Variants in NTM observed in about 807,000 individuals in gnomAD.
NTM encodes IgLON family member 2.
NTM carries 13 observed loss-of-function variants against 42.1 expected under a neutral mutation model. The ratio of observed to expected loss-of-function variants is 0.31; its 90% CI spans 0.20 to 0.49. The LOEUF is 0.49. Among genes scored for constraint, NTM ranks in the 20% least tolerant of loss-of-function variants. The probability of loss-of-function intolerance (pLI) is 0.99; values close to 1 mark genes in which losing one functional copy is unlikely to be tolerated. For synonymous variants in NTM, 187 were observed against 179.2 expected (o/e 1.04, Z -0.35); for missense variants, 373 against 452.8 (o/e 0.82, Z 1.60).
chr11:132,066,377 C>A (rs937579391), intron 2 of NTM, among the ~76,000 whole-genome samples: 4 of 152,118 alleles, frequency 2.6e-5, no homozygotes, highest in African/African-American at 4.8e-5. Context: ...TCATCTGGAC[C>A]CTTCTATAGG....
At chr11:131,502,169 C>T (rs928562734) in intron 1 of NTM, among the ~76,000 whole-genome samples, 8 of 152,102 alleles carry the variant, frequency 5.3e-5, no homozygotes, top group Admixed American at 1.3e-4. Flanking sequence ...GAAATCCTCA[C>T]CCCCCAGAGG....
At chr11:131,608,290 C>A (rs1483450945) in intron 1 of NTM, among the ~76,000 whole-genome samples, 1 of 152,168 alleles carries the variant, frequency 6.6e-6, no homozygotes, top group Admixed American at 6.5e-5. Flanking sequence ...TTAATCCAGT[C>A]TACCATCGTT....
At chr11:132,157,838 C>T (rs1044740243) in intron 3 of NTM, among the ~76,000 whole-genome samples, 9 of 152,182 alleles carry the variant, frequency 5.9e-5, no homozygotes, top group Admixed American at 3.9e-4. Flanking sequence ...TCTAGTGGCT[C>T]ATGTGAAAGC....
chr11:131,528,763 T>C (rs957789894), intron 1 of NTM, among the ~76,000 whole-genome samples: 4 of 152,182 alleles, frequency 2.6e-5, no homozygotes, highest in African/African-American at 9.6e-5. Context: ...GGTGAATGAG[T>C]GCTTGATCCC....
intron 7 of NTM, among the ~76,000 whole-genome samples, chr11:132,323,372 C>T (rs2095611568): frequency 6.6e-6 from 1 of 151,882 alleles, no homozygotes; most frequent in Non-Finnish European, 1.5e-5. Context: ...GAAATACAAA[C>T]TACCATCAGA....
chr11:131,669,137 C>T (rs1240980766), intron 1 of NTM, among the ~76,000 whole-genome samples: 1 of 152,100 alleles, frequency 6.6e-6, no homozygotes, highest in Non-Finnish European at 1.5e-5. Flanking sequence ...TCTAGTCATC[C>T]AGATCCAGAT....
At chr11:131,787,404 A>G (rs1263005861) in intron 1 of NTM, among the ~76,000 whole-genome samples, 4 of 96,238 alleles carry the variant, frequency 4.2e-5, no homozygotes, top group Non-Finnish European at 4.7e-5. Context: ...TTTTTGAGAC[A>G]GAGTCTCTCT....
chr11:132,193,655 A>G (rs1428976137), intron 3 of NTM, among the ~76,000 whole-genome samples: 1 of 152,074 alleles, frequency 6.6e-6, no homozygotes, highest in Non-Finnish European at 1.5e-5. Context: ...GAAAAGAAAT[A>G]ACCAAAATCA....
intron 2 of NTM, among the ~76,000 whole-genome samples, chr11:132,140,531 G>C (rs573107135): frequency 2.6e-5 from 4 of 152,284 alleles, no homozygotes; most frequent in African/African-American, 9.6e-5. Flanking sequence ...CTATGACCCA[G>C]ATCAATTTTG....
intron 1 of NTM, among the ~76,000 whole-genome samples, chr11:131,873,678 CACACATATAT>C (rs1247192629): frequency 9.0e-6 from 1 of 110,914 alleles, no homozygotes; most frequent in Non-Finnish European, 2.0e-5. Context: ...TATATATATA[CACACATATAT>C]ATACACACAT....
rs572082465 is a variant in NTM, at chr11:132,031,776, G to T, written c.168-114506G>T. On this transcript the variant is annotated intron_variant, in intron 2 of 8. Coordinates refer to ENST00000683400, the MANE Select transcript of NTM (RefSeq NM_001352005.2). The stretch of plus-strand genomic sequence containing the variant: ...CAGGGTTGAATGAAAATTGATAATA[G>T]ACTTAGACATGTCTTGGATGTTGAA... Among the ~76,000 whole-genome samples the T allele has an allele frequency of 2.0e-5, 3 of 152,244 alleles. No individual in the cohort carries two copies. The South Asian group carries it at 6.2e-4, about 32-fold the overall frequency.
Position 131,525,416 on chromosome 11 carries a change from G to A in NTM, c.82+154528G>A, listed in dbSNP as rs770372111. ...GGTTTGCAGGCGAGACAAGGGAAGT[G>A]GTTTGCTGAATGATGATGTGGAGAA... On this transcript the variant is annotated intron_variant, in intron 1 of 8. Transcript: ENST00000683400. Among the ~76,000 whole-genome samples, 45 of 152,198 alleles carry A rather than the reference G, an allele frequency of 3.0e-4. 1 individual carries two copies. The highest frequency in any genetic ancestry group is 2.8e-4 in the Non-Finnish European group (19 of 68,042).
rs928871443 is a variant in NTM, at chr11:131,382,089, T to C, written c.82+11201T>C. The stretch of plus-strand genomic sequence containing the variant: ...TTTTTTCATAGTAAGAATATGCCCA[T>C]TTAAAATACTCAACTTCCAGATTCT... On this transcript the variant is annotated intron_variant, in intron 1 of 8. Coordinates refer to ENST00000683400, the MANE Select transcript of NTM (RefSeq NM_001352005.2). Among the ~76,000 whole-genome samples the C allele has an allele frequency of 5.9e-5, 9 of 152,334 alleles. No individual in the cohort carries two copies. In the East Asian group the frequency reaches 7.7e-4, roughly 13 times the overall value.
intron 2 of NTM, among the ~76,000 whole-genome samples, chr11:132,115,893 A>G (rs569882109): frequency 1.1e-4 from 17 of 152,284 alleles, no homozygotes; most frequent in African/African-American, 3.6e-4. Context: ...TCCTTTCTCT[A>G]TTGGGGCAAA....
At chr11:131,413,959 G>A (rs1324657821) in intron 1 of NTM, among the ~76,000 whole-genome samples, 1 of 152,146 alleles carries the variant, frequency 6.6e-6, no homozygotes, top group Non-Finnish European at 1.5e-5. Context: ...GACAATCTCT[G>A]GTAGAGTAAT....
intron 2 of NTM, among the ~76,000 whole-genome samples, chr11:131,985,177 C>G (rs1036486551): frequency 3.9e-5 from 6 of 152,162 alleles, no homozygotes; most frequent in African/African-American, 1.2e-4. Flanking sequence ...CGCTTTGGCT[C>G]TTTCTATCCA....
At chr11:131,623,334 T>G (rs987826876) in intron 1 of NTM, among the ~76,000 whole-genome samples, 7 of 152,312 alleles carry the variant, frequency 4.6e-5, no homozygotes, top group African/African-American at 1.7e-4. Flanking sequence ...GAAATATATG[T>G]GAGAAAGATT....
intron 1 of NTM, among the ~76,000 whole-genome samples, chr11:131,723,511 C>A (rs2078610227): frequency 6.6e-6 from 1 of 152,196 alleles, no homozygotes; most frequent in Non-Finnish European, 1.5e-5. Flanking sequence ...CTTTGTCCTT[C>A]CCTCCCTCCC....
At chr11:131,998,532 A>T (rs2068546303) in intron 2 of NTM, among the ~76,000 whole-genome samples, 3 of 152,108 alleles carry the variant, frequency 2.0e-5, no homozygotes, top group South Asian at 4.1e-4. Flanking sequence ...GCATTTTACC[A>T]CGTAGCTGGT....
Sources: allele counts gnomAD v4.1 joint callset (sites outside exome capture counted in the v4.1 genomes callset), GRCh38; gene constraint gnomAD v4.1.1; transcripts MANE v1.5; gene names NCBI Gene and HGNC (gene_info 2026-07-23, HGNC 2026-07-21).